Variants in KANSL1 observed in about 807,000 individuals in gnomAD.
The protein encoded by KANSL1 is KAT8 regulatory NSL complex subunit 1.
Under a neutral mutation model 103.6 loss-of-function variants are expected in KANSL1, and 22 were observed. The observed-to-expected ratio is 0.21, with a 90% CI of 0.15 to 0.30. KANSL1 has a LOEUF of 0.30. Among genes scored for constraint, KANSL1 ranks in the 10% least tolerant of loss-of-function variants. The pLI is 1.00. For missense variants in KANSL1, 1,337 were observed against 1,399.8 expected, an observed-to-expected ratio of 0.96 and a Z score of 0.72; for synonymous variants, 600 against 527.6, an observed-to-expected ratio of 1.14 and a Z score of -1.88.
chr17:46,123,383 G>T (rs548136858), intron 2 of KANSL1, among the ~76,000 whole-genome samples: 1 of 152,180 alleles, frequency 6.6e-6, no homozygotes, highest in South Asian at 2.1e-4. Flanking sequence ...TCTCAAAAAA[G>T]AAAAAGAATA....
chr17:46,187,494 A>T (rs902185980), intron 1 of KANSL1, among the ~76,000 whole-genome samples: 11 of 152,176 alleles, frequency 7.2e-5, no homozygotes, highest in Non-Finnish European at 1.3e-4. Context: ...CACTCAATCT[A>T]CCTCCACTTT....
intron 2 of KANSL1, among the ~76,000 whole-genome samples, chr17:46,160,421 C>T (rs2045670961): frequency 6.6e-6 from 1 of 152,196 alleles, no homozygotes; most frequent in Non-Finnish European, 1.5e-5. Context: ...ACCTCAGCCT[C>T]CCGTGTAAGC....
At chr17:46,199,219 A>G (rs2047714304) in intron 1 of KANSL1, among the ~76,000 whole-genome samples, 2 of 152,266 alleles carry the variant, frequency 1.3e-5, no homozygotes, top group Admixed American at 1.3e-4. Flanking sequence ...AGCTGGAATC[A>G]GGGTCTCTCA....
chr17:46,112,368 C>CAAAAAA (rs34480982), intron 2 of KANSL1, among the ~76,000 whole-genome samples: 1 of 51,074 alleles, frequency 2.0e-5, no homozygotes, highest in African/African-American at 8.9e-5. Flanking sequence ...AACTCTGTCT[C>CAAAAAA]AAAAAAAAAA....
intron 2 of KANSL1, among the ~76,000 whole-genome samples, chr17:46,097,761 TATG>T (rs1319826455): frequency 6.6e-6 from 1 of 152,062 alleles, no homozygotes; most frequent in Non-Finnish European, 1.5e-5. Context: ...TGCTAAAACT[TATG>T]ACTATAGGTG....
upstream of KANSL1, among the ~76,000 whole-genome samples, chr17:46,224,403 C>T (rs972737863): frequency 2.6e-5 from 4 of 151,082 alleles, no homozygotes; most frequent in Non-Finnish European, 5.9e-5. Context: ...GTAGGATCCT[C>T]GTTCAAGTCC....
intron 9 of KANSL1, 31 bp downstream of exon 9, chr17:46,038,996 G>T: frequency 6.3e-7 from 1 of 1,594,360 alleles, no homozygotes; most frequent in Non-Finnish European, 8.5e-7. Flanking sequence ...AGGTGCAGTT[G>T]CAGGTAGAGG....
intron 2 of KANSL1, among the ~76,000 whole-genome samples, chr17:46,096,198 G>A (rs2042056626): frequency 6.6e-6 from 1 of 150,450 alleles, no homozygotes; most frequent in African/African-American, 2.5e-5. Context: ...CTGGATTGTG[G>A]TGGTGCAATC....
intron 7 of KANSL1, among the ~76,000 whole-genome samples, chr17:46,047,964 T>C (rs916583477): frequency 3.3e-5 from 5 of 151,368 alleles, no homozygotes; most frequent in African/African-American, 1.2e-4. Flanking sequence ...CTGCAGTGCA[T>C]TGGCTCAATC....
intron 12 of KANSL1, 103 bp from the exon 13 acceptor site, chr17:46,033,295 C>T: frequency 7.0e-7 from 1 of 1,434,336 alleles, no homozygotes; most frequent in Non-Finnish European, 9.7e-7. Context: ...ATACAAGGAG[C>T]TTGCACTTCA....
At chr17:46,136,212 G>C (rs542221310) in intron 2 of KANSL1, among the ~76,000 whole-genome samples, 1 of 152,082 alleles carries the variant, frequency 6.6e-6, no homozygotes, top group African/African-American at 2.4e-5. Context: ...GTCACAAAAA[G>C]ACCTTAATTT....
At chr17:46,185,165 T>C (rs1007756742) in intron 1 of KANSL1, among the ~76,000 whole-genome samples, 1 of 152,174 alleles carries the variant, frequency 6.6e-6, no homozygotes, top group Non-Finnish European at 1.5e-5. Context: ...TATAGCTTGT[T>C]TTATCTCTGT....
chr17:46,173,910 C>T (rs2046400414), intron 1 of KANSL1, among the ~76,000 whole-genome samples: 1 of 152,204 alleles, frequency 6.6e-6, no homozygotes, highest in South Asian at 2.1e-4. Flanking sequence ...GGAAAAAGCA[C>T]AGTACAACTG....
At chr17:46,064,489 A>T (rs2078301541) in intron 6 of KANSL1, among the ~76,000 whole-genome samples, 1 of 152,134 alleles carries the variant, frequency 6.6e-6, no homozygotes, top group Non-Finnish European at 1.5e-5. Flanking sequence ...CACTCCAACC[A>T]TGCTTTAATT....
intron 2 of KANSL1, among the ~76,000 whole-genome samples, chr17:46,097,520 T>C (rs1304806263): frequency 2.0e-5 from 3 of 152,240 alleles, no homozygotes; most frequent in African/African-American, 7.2e-5. Context: ...GGAAAGGGGA[T>C]GGAGAAGTTG....
intron 2 of KANSL1, among the ~76,000 whole-genome samples, chr17:46,157,261 C>G (rs145288147): frequency 2.5e-4 from 38 of 152,314 alleles, no homozygotes; most frequent in African/African-American, 8.9e-4. Flanking sequence ...AAGGAACAAA[C>G]ATTAAGCTAT....
chr17:46,037,585 C>A (rs1386613062), intron 10 of KANSL1: 1 of 152,212 alleles, frequency 6.6e-6, no homozygotes, highest in East Asian at 1.9e-4. Flanking sequence ...GAGTTTGAAT[C>A]ATAATTATAA....
chr17:46,118,240 T>G (rs2043129274), intron 2 of KANSL1, among the ~76,000 whole-genome samples: 1 of 147,762 alleles, frequency 6.8e-6, no homozygotes, highest in African/African-American at 2.4e-5. Flanking sequence ...CCTTCACAAG[T>G]GTGTCAAAAA....
chr17:46,125,908 G>A (rs2043533421), intron 2 of KANSL1, among the ~76,000 whole-genome samples: 1 of 152,124 alleles, frequency 6.6e-6, no homozygotes, highest in East Asian at 1.9e-4. Flanking sequence ...GAAGGGCCTG[G>A]TACTTGACAT....
Sources: gnomAD v4.1 joint callset for allele counts (sites outside exome capture counted in the v4.1 genomes callset) on GRCh38, gnomAD v4.1.1 for gene constraint, MANE v1.5 for transcripts, NCBI Gene and HGNC (gene_info 2026-07-23, HGNC 2026-07-21) for gene names.